Variants in CDC42BPG observed in about 807,000 individuals in gnomAD.
The protein encoded by CDC42BPG is serine/threonine-protein kinase MRCK gamma.
In CDC42BPG, 157 loss-of-function variants were observed where a neutral mutation model predicts 192.2. That is an observed-to-expected ratio of 0.82 (90% CI 0.72 to 0.93). The LOEUF (loss-of-function observed/expected upper bound fraction) is 0.93, where lower values mean the gene tolerates loss of function less well. Ranked by LOEUF, CDC42BPG falls within the 40% of genes least tolerant of loss-of-function variation. The pLI, the probability that CDC42BPG is intolerant of heterozygous loss-of-function variation, is 0.00. For synonymous variants in CDC42BPG, 981 were observed against 918.5 expected (o/e 1.07, Z -1.23); for missense variants, 1,992 against 2,122.1 (o/e 0.94, Z 1.20).
intron 4 of CDC42BPG, 76 bp downstream of exon 4, chr11:64,840,477 C>T: frequency 2.0e-6 from 3 of 1,490,726 alleles, no homozygotes; most frequent in Non-Finnish European, 2.8e-6. Flanking sequence ...TCTCTTTGGG[C>T]CCAGTGCCCC....
At chr11:64,835,017 T>TCGCC in intron 17 of CDC42BPG, 30 bp downstream of exon 17, 1 of 1,571,946 alleles carries the variant, frequency 6.4e-7, no homozygotes, top group Non-Finnish European at 8.7e-7. Context: ...TCGCCTGCGT[T>TCGCC]CCCCACCCCG....
intron 6 of CDC42BPG, 41 bp downstream of exon 6, chr11:64,839,437 G>A (rs748869388): frequency 2.0e-5 from 12 of 607,816 alleles, no homozygotes; most frequent in South Asian, 9.2e-5. Flanking sequence ...AGCTTGGCCC[G>A]CCTTGTATCC....
rs71480249 is a variant in CDC42BPG, at chr11:64,823,109, C to T, written c.*1364G>A. The stretch of plus-strand genomic sequence containing the variant: ...CTTTTCTTTTTTTTTTTTTTTGAGA[C>T]GGAGTCTCACTCTGTCACCCAGGCT... On this transcript the variant is annotated 3_prime_UTR_variant, in exon 37 of 37. Transcript: ENST00000342711. 1.2e-3 allele frequency among the ~76,000 whole-genome samples: 170 copies of T among 138,370 alleles called. 1 individual carries two copies. Among genetic ancestry groups the T allele is most frequent in the East Asian group, 0.012 (60 of 4,972 alleles). The allele number at this position is 138,370 out of a possible 152,430, so 90.8% of individuals were successfully genotyped here.
At chr11:64,832,781 C>T (rs1177152918) in intron 25 of CDC42BPG, 38 bp from the exon 26 acceptor site, 1 of 1,593,362 alleles carries the variant, frequency 6.3e-7, no homozygotes, top group Admixed American at 1.7e-5. Context: ...TGCAGGGACC[C>T]TCAGCCCCCC....
Position 64,829,456 on chromosome 11 carries a change from C to T in CDC42BPG, c.3967+15G>A, listed in dbSNP as rs376819237. ...AGGTGCCTGGCCCCCCTGCCAAGCC[C>T]TCAGCAGGCCTTACCCCAGCCCATG... On this transcript the variant is annotated intron_variant, in intron 30 of 36. Transcript: ENST00000342711. 41 of 1,608,724 alleles carry T rather than the reference C, an allele frequency of 2.5e-5. No individual in the cohort carries two copies. The highest frequency in any genetic ancestry group is 4.0e-5 in the African/African-American group (3 of 74,882).
chr11:64,844,038 G>A (rs1454301005), intron 1 of CDC42BPG, among the ~76,000 whole-genome samples: 1 of 152,200 alleles, frequency 6.6e-6, no homozygotes, highest in Non-Finnish European at 1.5e-5. Flanking sequence ...GTGTATCAGT[G>A]GGTGACATGC....
chr11:64,827,654 G>A (rs746343390), intron 31 of CDC42BPG, 32 bp downstream of exon 31: 2 of 1,605,464 alleles, frequency 1.2e-6, no homozygotes, highest in Non-Finnish European at 1.7e-6. Flanking sequence ...CTCCACCCCC[G>A]GCGCTACCCC....
chr11:64,830,671 C>T (rs1942643400), intron 28 of CDC42BPG, among the ~76,000 whole-genome samples: 3 of 152,228 alleles, frequency 2.0e-5, no homozygotes, highest in Admixed American at 2.0e-4. Context: ...GTGTCTCCCG[C>T]CCTGAGAGCC....
intron 33 of CDC42BPG, 54 bp downstream of exon 33, chr11:64,827,224 C>A: frequency 6.2e-7 from 1 of 1,613,476 alleles, no homozygotes; most frequent in Non-Finnish European, 8.5e-7. Context: ...TTCGACCCGT[C>A]CACAAGCGGA....
Position 64,833,754 on chromosome 11 carries a change from C to A in CDC42BPG, c.2549G>T (p.Arg850Leu). ...GEPDLRPEGR[R>L]SLRMGAVFPR... Reference sequence around the variant, plus strand: ...TGTCCTCACCCCCATGCGCAGGCTGCGTCGGCCCTCCGGCCTCAGATCTGG... The same window carrying A: ...TGTCCTCACCCCCATGCGCAGGCTGAGTCGGCCCTCCGGCCTCAGATCTGG... The change falls in exon 22 of 37, where the codon CGC becomes CTC. Residue 850 changes from arginine to leucine, a missense_variant. By Grantham distance (102) the Arg-to-Leu change is moderately radical. Around this residue, in one of 2 missense-constraint regions of CDC42BPG, gnomAD observed 1,656 missense variants for 1,844.3 expected, o/e 0.90. Coordinates refer to ENST00000342711, the MANE Select transcript of CDC42BPG (RefSeq NM_017525.3). The A allele has an allele frequency of 6.2e-7, 1 of 1,614,070 alleles. No homozygotes were observed. Among genetic ancestry groups the A allele is most frequent in the Non-Finnish European group, 8.5e-7 (1 of 1,180,028 alleles).
chr11:64,835,526 C>T lies in CDC42BPG; in HGVS notation c.1854G>A (p.Glu618=), dbSNP rs1592707810. ...TGTGGCTGTGGGCCTGCTCCAGCTG[C>T]TCTCGCAGGGCGGCCACCTCCTTCC... is the stretch of plus-strand genomic sequence containing the variant. ...QLRKEVAALR[E]QLEQAHSHRP... Residue 618 remains glutamate (E), a synonymous_variant, in exon 15 of 37, where the codon GAG becomes GAA. Coordinates refer to ENST00000342711, the MANE Select transcript of CDC42BPG (RefSeq NM_017525.3). The T allele has an allele frequency of 6.3e-7, 1 of 1,596,202 alleles. No individual in the cohort carries two copies. Among genetic ancestry groups the T allele is most frequent in the Middle Eastern group, 1.7e-4 (1 of 6,004 alleles).
intron 8 of CDC42BPG, among the ~76,000 whole-genome samples, 194 bp from the exon 9 acceptor site, chr11:64,838,356 C>T (rs926484664): frequency 1.3e-5 from 2 of 152,190 alleles, no homozygotes; most frequent in African/African-American, 2.4e-5. Context: ...CTTCCTTATA[C>T]GGATTCTAGT....
intron 18 of CDC42BPG, 86 bp downstream of exon 18, chr11:64,834,763 A>AG: frequency 7.2e-7 from 1 of 1,396,366 alleles, no homozygotes; most frequent in Admixed American, 1.9e-5. Context: ...CACCTCCAGT[A>AG]GTGACCTTCA....
intron 3 of CDC42BPG, 82 bp downstream of exon 3, chr11:64,841,568 C>T: frequency 8.4e-7 from 1 of 1,189,212 alleles, no homozygotes; most frequent in Non-Finnish European, 1.2e-6. Flanking sequence ...CCCGCCCCCC[C>T]CGCGCCATAG....
intron 1 of CDC42BPG, among the ~76,000 whole-genome samples, chr11:64,842,310 C>T (rs1047699303): frequency 3.9e-5 from 6 of 152,202 alleles, no homozygotes; most frequent in African/African-American, 1.4e-4. Flanking sequence ...CAGGCCAGGG[C>T]CTGTCTTAGG....
intron 11 of CDC42BPG, 26 bp downstream of exon 11, chr11:64,836,713 G>T (rs71539675): frequency 4.7e-6 from 4 of 856,506 alleles, no homozygotes; most frequent in East Asian, 3.0e-5. Context: ...CCCTGGGGGG[G>T]GGGGGGGGGT....
chr11:64,833,067 C>T (rs1013531454), intron 24 of CDC42BPG, 108 bp from the exon 25 acceptor site: 23 of 1,372,640 alleles, frequency 1.7e-5, no homozygotes, highest in Admixed American at 2.3e-5. Flanking sequence ...CGGTGGCACC[C>T]GAACTGTCCC....
chr11:64,825,304 C>G (rs1006720058), intron 36 of CDC42BPG, among the ~76,000 whole-genome samples: 3 of 152,160 alleles, frequency 2.0e-5, no homozygotes, highest in African/African-American at 4.8e-5. Flanking sequence ...TGACCCCCAC[C>G]ACCAAGGAGC....
rs1303578293 is a variant in CDC42BPG at position 64,833,849 on chromosome 11, G to C, written c.2467-13C>G. The C allele has an allele frequency of 6.2e-7, 1 of 1,614,092 alleles. No individual in the cohort carries two copies. Among genetic ancestry groups the C allele is most frequent in the Non-Finnish European group, 8.5e-7 (1 of 1,180,016 alleles). On this transcript the variant is annotated splice_polypyrimidine_tract_variant and intron_variant, in intron 21 of 36. Coordinates refer to ENST00000342711, the MANE Select transcript of CDC42BPG (RefSeq NM_017525.3). The stretch of plus-strand genomic sequence containing the variant: ...TGGCAGAATCCTTCTGGGGGTGGGA[G>C]AGAGAGGAGCAAAGTCAAGGTCCCT...
Sources: gnomAD v4.1 joint callset for allele counts (sites outside exome capture counted in the v4.1 genomes callset) on GRCh38, gnomAD v4.1.1 for gene constraint, gnomAD v4.1.1 regional missense constraint, MANE v1.5 for transcripts, NCBI Gene and HGNC (gene_info 2026-07-23, HGNC 2026-07-21) for gene names.